NBDY: variants seen among roughly 807,000 people sequenced by gnomAD.
The protein encoded by NBDY is P-body dissociating protein.
rs150272073 is a variant in NBDY at position 56,753,179 on chromosome X, C to G, written c.*166+20980C>G. Among the ~76,000 whole-genome samples, 369 of 112,385 alleles carry G rather than the reference C, an allele frequency of 3.3e-3. 2 individuals carry two copies. The highest frequency in any genetic ancestry group is 0.011 in the African/African-American group (349 of 30,956). On this transcript the variant is annotated intron_variant, in intron 2 of 2. Coordinates refer to ENST00000374922, the MANE Select transcript of NBDY (RefSeq NM_001348129.2). ...TGAGACAAAGGGGACACCCAGATTA[C>G]TAAACCATGCACCTGTTCTTGAAGA... is the stretch of plus-strand genomic sequence containing the variant.
intron 2 of NBDY, among the ~76,000 whole-genome samples, chrX:56,784,886 T>C (rs1413607826): frequency 1.8e-5 from 2 of 112,633 alleles, no homozygotes; most frequent in Non-Finnish European, 3.8e-5. Context: ...CGCGTTGCTC[T>C]AAAGGTTACA....
chrX:56,810,363 T>C (rs973496991), intron 2 of NBDY, among the ~76,000 whole-genome samples: 10 of 111,477 alleles, frequency 9.0e-5, no homozygotes. Context: ...GGTTCCATTC[T>C]CCCTGTCACT....
intron 2 of NBDY, chrX:56,737,392 G>C: frequency 1.5e-6 from 1 of 646,203 alleles, no homozygotes; most frequent in Non-Finnish European, 2.6e-6. Context: ...CACTCTTAAT[G>C]TGACACATCC....
intron 2 of NBDY, among the ~76,000 whole-genome samples, chrX:56,791,889 ATTG>A (rs375123913): frequency 3.0e-3 from 297 of 98,557 alleles, no homozygotes; most frequent in African/African-American, 0.01. Flanking sequence ...TCTTCTTCTT[ATTG>A]TTGTTGTTGT....
intron 2 of NBDY, among the ~76,000 whole-genome samples, chrX:56,806,423 G>A (rs1166533402): frequency 1.8e-5 from 2 of 111,789 alleles, no homozygotes; most frequent in Admixed American, 1.9e-4. Context: ...TGAACTAATT[G>A]ACACTCCCAC....
At chrX:56,760,478 G>T (rs2069632494) in intron 2 of NBDY, among the ~76,000 whole-genome samples, 1 of 112,451 alleles carries the variant, frequency 8.9e-6, no homozygotes. Flanking sequence ...TTGAGGTCAG[G>T]AGCTCGAGAC....
chrX:56,814,569 TG>T (rs1736220212), intron 2 of NBDY, among the ~76,000 whole-genome samples: 1 of 109,621 alleles, frequency 9.1e-6, no homozygotes, highest in Non-Finnish European at 1.9e-5. Context: ...CTTGACTCAT[TG>T]CAACCTCCAC....
chrX:56,755,430 C>A (rs1319665473), intron 2 of NBDY, among the ~76,000 whole-genome samples: 11 of 111,100 alleles, frequency 9.9e-5, no homozygotes, highest in Non-Finnish European at 1.7e-4. Context: ...CAATGAACTC[C>A]AACAAATTTA....
chrX:56,734,660 C>A (rs1348540681), intron 2 of NBDY, among the ~76,000 whole-genome samples: 1 of 111,660 alleles, frequency 9.0e-6, no homozygotes, highest in Non-Finnish European at 1.9e-5. Flanking sequence ...CTTCTCATCT[C>A]CAGCAGGTAC....
intron 2 of NBDY, among the ~76,000 whole-genome samples, chrX:56,804,609 G>C (rs1214039424): frequency 8.9e-6 from 1 of 112,606 alleles, no homozygotes; most frequent in Non-Finnish European, 1.9e-5. Context: ...GGGCATGGAA[G>C]TGAAGGTTGA....
chrX:56,756,904 G>A (rs950612283), intron 2 of NBDY, among the ~76,000 whole-genome samples: 1 of 110,567 alleles, frequency 9.0e-6, no homozygotes, highest in Non-Finnish European at 1.9e-5. Flanking sequence ...GTAGTGAGCC[G>A]AGATTGCGCC....
At chrX:56,753,641 G>C in intron 2 of NBDY, among the ~76,000 whole-genome samples, 1 of 110,959 alleles carries the variant, frequency 9.0e-6, no homozygotes, top group Middle Eastern at 4.6e-3. Flanking sequence ...AAACTGAATT[G>C]ACAAAAAAAA....
At chrX:56,787,372 A>G (rs1337252501) in intron 2 of NBDY, among the ~76,000 whole-genome samples, 3 of 111,082 alleles carry the variant, frequency 2.7e-5, no homozygotes, top group African/African-American at 9.8e-5. Context: ...GGGCTTAAGC[A>G]TTGTTGTACA....
In NBDY at chrX:56,783,207, G is replaced by A. The variant is rs890269880; in HGVS notation, c.*167-34113G>A. 2.7e-5 allele frequency among the ~76,000 whole-genome samples: 3 copies of A among 112,710 alleles called. No individual in the cohort carries two copies. In the Admixed American group the frequency reaches 2.8e-4, roughly 10 times the overall value. On this transcript the variant is annotated intron_variant, in intron 2 of 2. Transcript: ENST00000374922. ...GGCCTGCCCTCATTCCTAGGATGGC[G>A]GCCTGTCTCCACAGCTGTATGTAAG...
chrX:56,755,441 C>A (rs1218785651), intron 2 of NBDY, among the ~76,000 whole-genome samples: 6 of 111,804 alleles, frequency 5.4e-5, no homozygotes, highest in Non-Finnish European at 1.1e-4. Context: ...AACAAATTTA[C>A]AAGGAAAAAA....
intron 2 of NBDY, among the ~76,000 whole-genome samples, chrX:56,732,974 A>T (rs66887234): frequency 2.0e-4 from 3 of 14,864 alleles, no homozygotes; most frequent in Admixed American, 6.1e-4. Context: ...TTTGACTTTT[A>T]TTTTTATATT....
intron 2 of NBDY, among the ~76,000 whole-genome samples, chrX:56,756,027 A>G (rs1425845448): frequency 1.9e-5 from 2 of 106,424 alleles, no homozygotes; most frequent in Non-Finnish European, 3.9e-5. Flanking sequence ...CATTCTCAGT[A>G]AACTATCATA....
chrX:56,759,561 A>G (rs913787717), intron 2 of NBDY, among the ~76,000 whole-genome samples: 2 of 107,702 alleles, frequency 1.9e-5, no homozygotes, highest in Non-Finnish European at 3.8e-5. Flanking sequence ...GGGGTGGAGG[A>G]GCAGGGTTAC....
At chrX:56,816,877 GTATT>G (rs1569294274) in intron 2 of NBDY, among the ~76,000 whole-genome samples, 1 of 111,046 alleles carries the variant, frequency 9.0e-6, no homozygotes, top group Non-Finnish European at 1.9e-5. Flanking sequence ...TTGTATTCAT[GTATT>G]TATTCATGTA....
Sources: allele counts gnomAD v4.1 joint callset (sites outside exome capture counted in the v4.1 genomes callset), GRCh38; gene constraint gnomAD v4.1.1; transcripts MANE v1.5; gene names NCBI Gene and HGNC (gene_info 2026-07-23, HGNC 2026-07-21).